Variants in PRKCB observed in about 807,000 individuals in gnomAD.
PRKCB encodes protein kinase C beta type.
PRKCB carries 13 observed loss-of-function variants against 81.5 expected under a neutral mutation model. The observed-to-expected ratio is 0.16, with a 90% CI of 0.10 to 0.25. PRKCB has a LOEUF of 0.25. Ranked by LOEUF, PRKCB falls within the 10% of genes least tolerant of loss-of-function variation. The pLI, the probability that PRKCB is intolerant of heterozygous loss-of-function variation, is 1.00. For synonymous variants in PRKCB, 335 were observed against 321.4 expected (o/e 1.04, Z -0.45); for missense variants, 509 against 875.7 (o/e 0.58, Z 5.29).
At chr16:23,837,520 C>G in intron 2 of PRKCB, 114 bp downstream of exon 2, 1 of 1,320,362 alleles carries the variant, frequency 7.6e-7, no homozygotes, top group Non-Finnish European at 1.1e-6. Context: ...GTCGGAGTGA[C>G]CTCCCAGGCT....
chr16:23,887,107 T>TCTTTCTTG (rs1000632574), intron 2 of PRKCB, among the ~76,000 whole-genome samples: 13 of 151,980 alleles, frequency 8.6e-5, no homozygotes, highest in Non-Finnish European at 1.5e-4. Flanking sequence ...TTTCTTGCTT[T>TCTTTCTTG]CTTTCTTGCT....
At chr16:24,135,310 CTTTT>C (rs33975464) in intron 9 of PRKCB, among the ~76,000 whole-genome samples, 15 of 112,276 alleles carry the variant, frequency 1.3e-4, no homozygotes, top group African/African-American at 4.6e-4. Context: ...CTCAGTGTCC[CTTTT>C]TTTTTTTTTT....
At position 24,219,553 on chromosome 16, in the gene PRKCB, G is replaced by T. The variant is rs1233569718; in HGVS notation, c.*4737G>T. ...TAGCCACCTGGGCTGCTACTGAATGGTTTTCTCCAGGACGCTCTACCTAAT... is the reference window on the plus strand; with the variant it reads ...TAGCCACCTGGGCTGCTACTGAATGTTTTTCTCCAGGACGCTCTACCTAAT... On this transcript the variant is annotated 3_prime_UTR_variant, in exon 17 of 17. Transcript: ENST00000643927. 3.0e-6 allele frequency: 3 copies of T among 990,570 alleles called. No homozygotes were observed. The South Asian group carries it at 1.4e-4, about 46-fold the overall frequency. The allele number at this position is 990,570 out of a possible 1,614,324, so 61.4% of individuals were successfully genotyped here. A position where few individuals can be genotyped will look rare whatever the true frequency, so the allele number is the denominator to read the frequency against.
chr16:23,884,829 C>T (rs1311077750), intron 2 of PRKCB, among the ~76,000 whole-genome samples: 1 of 152,152 alleles, frequency 6.6e-6, no homozygotes, highest in Non-Finnish European at 1.5e-5. Context: ...GTGTGAGCCA[C>T]AATGCCTAGC....
At chr16:24,051,368 G>C (rs1339827800) in intron 5 of PRKCB, among the ~76,000 whole-genome samples, 1 of 152,152 alleles carries the variant, frequency 6.6e-6, no homozygotes, top group Non-Finnish European at 1.5e-5. Flanking sequence ...CCTGATACCT[G>C]GTGCTTTTAC....
intron 2 of PRKCB, among the ~76,000 whole-genome samples, chr16:23,948,806 G>C (rs899162407): frequency 3.3e-5 from 5 of 152,162 alleles, no homozygotes; most frequent in African/African-American, 1.2e-4. Flanking sequence ...ACTTGCTCAA[G>C]GTTCCACTGT....
Position 24,210,759 on chromosome 16 carries a change from C to G in PRKCB, c.1864-3899C>G, listed in dbSNP as rs188248178. ...AAGTGATCCACCATCCTCGGCCTCT[C>G]AAAGTGCTGGGATTATAGGCGTGAG... is the stretch of plus-strand genomic sequence containing the variant. On this transcript the variant is annotated intron_variant, in intron 16 of 16. Coordinates refer to ENST00000643927, the MANE Select transcript of PRKCB (RefSeq NM_002738.7). Among the ~76,000 whole-genome samples the G allele has an allele frequency of 6.1e-3, 923 of 152,302 alleles. 5 individuals are homozygous for G. Among genetic ancestry groups the G allele is most frequent in the Non-Finnish European group, 8.5e-3 (581 of 68,026 alleles).
At chr16:23,909,199 G>T (rs1963613659) in intron 2 of PRKCB, among the ~76,000 whole-genome samples, 1 of 152,206 alleles carries the variant, frequency 6.6e-6, no homozygotes. Context: ...CAAATTATTG[G>T]ACTGGGTAAA....
chr16:24,123,709 C>A, intron 8 of PRKCB, 126 bp from the exon 9 acceptor site: 2 of 941,474 alleles, frequency 2.1e-6, no homozygotes, highest in Non-Finnish European at 1.6e-6. Context: ...TGATGCATGG[C>A]TATGCTTTTC....
At chr16:24,127,495 A>G (rs895995609) in intron 9 of PRKCB, among the ~76,000 whole-genome samples, 3 of 141,974 alleles carry the variant, frequency 2.1e-5, no homozygotes, top group Non-Finnish European at 4.5e-5. Context: ...AGCTAATTTA[A>G]CATTTTTTAT....
chr16:23,989,458 AG>A (rs1471127909), intron 3 of PRKCB, among the ~76,000 whole-genome samples: 2 of 152,230 alleles, frequency 1.3e-5, no homozygotes, highest in Non-Finnish European at 2.9e-5. Context: ...TGAATCTCAA[AG>A]TATGACTACT....
intron 9 of PRKCB, among the ~76,000 whole-genome samples, chr16:24,133,078 G>C (rs1261193805): frequency 6.6e-6 from 1 of 152,086 alleles, no homozygotes; most frequent in Non-Finnish European, 1.5e-5. Flanking sequence ...TTCCCTCTAA[G>C]TGCTAAGCAG....
Position 24,217,681 on chromosome 16 carries a change from CA to C in PRKCB, c.*2867del. 1.0e-6 allele frequency: 1 copy of C among 985,532 alleles called. No individual in the cohort carries two copies. The highest frequency in any genetic ancestry group is 1.2e-6 in the Non-Finnish European group (1 of 830,038). 61.0% of individuals were successfully genotyped at this position (985,532 alleles called of 1,614,324 possible). Reference sequence around the variant, plus strand: ...GCACAACAAACGGGGCAGGGCTTTCCAAGGTGGGGCTGGTCAGAAGGGAATC... The same window carrying C: ...GCACAACAAACGGGGCAGGGCTTTCCAGGTGGGGCTGGTCAGAAGGGAATC... On this transcript the variant is annotated 3_prime_UTR_variant, in exon 17 of 17. Transcript: ENST00000643927.
chr16:24,029,787 A>C (rs1965528523), intron 3 of PRKCB, among the ~76,000 whole-genome samples: 1 of 152,206 alleles, frequency 6.6e-6, no homozygotes, highest in African/African-American at 2.4e-5. Context: ...ATACATGTGA[A>C]TGGATGAATG....
rs148982048 is a variant in PRKCB, at chr16:24,107,764, G to A, written c.822-5209G>A. On this transcript the variant is annotated intron_variant, in intron 7 of 16. Coordinates refer to ENST00000643927, the MANE Select transcript of PRKCB (RefSeq NM_002738.7). ...CTCCTCTTGCATATGAATGGGAATC[G>A]GCAACCCTCACCCGGTCATTGATGG... 2.6e-3 allele frequency among the ~76,000 whole-genome samples: 401 copies of A among 152,252 alleles called. 5 individuals carry two copies. Among genetic ancestry groups the A allele is most frequent in the Middle Eastern group, 0.01 (3 of 294 alleles).
chr16:24,005,777 G>A (rs1965109656), intron 3 of PRKCB, among the ~76,000 whole-genome samples: 1 of 152,154 alleles, frequency 6.6e-6, no homozygotes, highest in Non-Finnish European at 1.5e-5. Context: ...GCAAAGGCTC[G>A]CTTCCTCCTC....
intron 3 of PRKCB, among the ~76,000 whole-genome samples, chr16:24,018,259 C>A (rs62029628): frequency 6.6e-6 from 1 of 151,994 alleles, no homozygotes; most frequent in Admixed American, 6.6e-5. Context: ...CTATGTTGTC[C>A]AGGCTGGTCT....
intron 8 of PRKCB, among the ~76,000 whole-genome samples, chr16:24,119,085 C>A (rs1176257817): frequency 3.3e-5 from 5 of 151,650 alleles, no homozygotes; most frequent in Non-Finnish European, 5.9e-5. Flanking sequence ...ATTAAAATGA[C>A]AACAAACTCT....
intron 13 of PRKCB, 50 bp from the exon 14 acceptor site, chr16:24,185,061 A>C: frequency 6.8e-7 from 1 of 1,465,618 alleles, no homozygotes; most frequent in Non-Finnish European, 9.6e-7. Context: ...CTGTCTCCAG[A>C]AGAAACATGA....
Sources: allele counts gnomAD v4.1 joint callset (sites outside exome capture counted in the v4.1 genomes callset), GRCh38; gene constraint gnomAD v4.1.1; transcripts MANE v1.5; gene names NCBI Gene and HGNC (gene_info 2026-07-23, HGNC 2026-07-21).